IL6R: variants seen among roughly 807,000 people sequenced by gnomAD.
The protein encoded by IL6R is interleukin 6 receptor, also known as interleukin-6 receptor subunit alpha.
Under a neutral mutation model 48.3 loss-of-function variants are expected in IL6R, and 38 were observed. The observed-to-expected ratio is 0.79, with a 90% CI of 0.61 to 1.03. The LOEUF is 1.03. Ranked by LOEUF, IL6R falls within the 50% of genes least tolerant of loss-of-function variation. The probability of loss-of-function intolerance (pLI) is 0.00; values close to 1 mark genes in which losing one functional copy is unlikely to be tolerated. For missense variants in IL6R, 534 were observed against 618.3 expected, an observed-to-expected ratio of 0.86 and a Z score of 1.45; for synonymous variants, 264 against 256.2, an observed-to-expected ratio of 1.03 and a Z score of -0.29.
At chr1:154,419,217 G>T (rs1242125531) in intron 1 of IL6R, among the ~76,000 whole-genome samples, 1 of 152,148 alleles carries the variant, frequency 6.6e-6, no homozygotes, top group Non-Finnish European at 1.5e-5. Context: ...CTTTTTGTGA[G>T]TAGTGTGCTC....
intron 1 of IL6R, among the ~76,000 whole-genome samples, chr1:154,417,661 C>T (rs979214389): frequency 8.6e-5 from 13 of 151,696 alleles, no homozygotes; most frequent in African/African-American, 2.7e-4. Flanking sequence ...ACTCCATCTC[C>T]GGGGTTCAAG....
chr1:154,445,749 C>CAA (rs35455075), intron 6 of IL6R, among the ~76,000 whole-genome samples: 63,958 of 133,886 alleles, frequency 0.48, 15,020 homozygotes, highest in African/African-American at 0.59. Context: ...GACTCGGTCT[C>CAA]AAAAAAAAAA....
rs1482310513 is a variant in IL6R, at chr1:154,405,977, T to A, written c.85+263T>A. ...CTGTGCGGGAACCCTGCGGTCTGTG[T>A]ACAGGACTGTGTCCTTGCAAACCTG... is the stretch of plus-strand genomic sequence containing the variant. On this transcript the variant is annotated intron_variant, in intron 1 of 9. Coordinates refer to ENST00000368485, the MANE Select transcript of IL6R (RefSeq NM_000565.4). The surrounding 1 kb of genome is among the most constrained non-coding windows in gnomAD (Gnocchi z 5.2). Among the ~76,000 whole-genome samples, 1 of 152,160 alleles carries A rather than the reference T, an allele frequency of 6.6e-6. No homozygotes were observed. Among genetic ancestry groups the A allele is most frequent in the African/African-American group, 2.4e-5 (1 of 41,452 alleles).
chr1:154,447,438 CAAAAAAAAA>C lies in IL6R; in HGVS notation c.950-678_950-670del, dbSNP rs201893129. Among the ~76,000 whole-genome samples the C allele has an allele frequency of 6.7e-3, 257 of 38,262 alleles. 20 individuals carry two copies. Among genetic ancestry groups the C allele is most frequent in the Middle Eastern group, 0.054 (3 of 56 alleles). The allele number at this position is 38,262 out of a possible 152,430, so 25.1% of individuals were successfully genotyped here. On this transcript the variant is annotated intron_variant, in intron 6 of 9. Transcript: ENST00000368485. ...TGGGCAAAAGAGTGAAACTCCATCT[CAAAAAAAAA>C]AAAAAAAATATATATATATATATAT...
rs549223455 is a variant in IL6R at position 154,435,194 on chromosome 1, C to T, written c.807+38C>T. The T allele has an allele frequency of 8.0e-4, 1,277 of 1,597,970 alleles. 23 individuals carry two copies. In the South Asian group the frequency reaches 0.013, roughly 17 times the overall value. On this transcript the variant is annotated intron_variant, in intron 5 of 9. Transcript: ENST00000368485. Reference sequence around the variant, plus strand: ...TTTACTTCTGGTCAGAGAGGCGCCCCTAGATGCTTAGGCGTAGTAGAAAGG... The same window carrying T: ...TTTACTTCTGGTCAGAGAGGCGCCCTTAGATGCTTAGGCGTAGTAGAAAGG...
At chr1:154,423,288 TTCATTATAAGAGCA>T (rs1688792196) in intron 1 of IL6R, among the ~76,000 whole-genome samples, 3 of 138,606 alleles carry the variant, frequency 2.2e-5, no homozygotes, top group Non-Finnish European at 4.7e-5. Flanking sequence ...TATATATGTA[TTCATTATAAGAGCA>T]ATATAGGCAA....
At chr1:154,455,056 G>A (rs888706933) in intron 9 of IL6R, among the ~76,000 whole-genome samples, 2 of 152,166 alleles carry the variant, frequency 1.3e-5, no homozygotes, top group Non-Finnish European at 2.9e-5. Flanking sequence ...TGGGACTGCA[G>A]GTGCACACCA....
At chr1:154,455,588 G>A (rs1245318302) in intron 9 of IL6R, among the ~76,000 whole-genome samples, 8 of 151,040 alleles carry the variant, frequency 5.3e-5, no homozygotes, top group Non-Finnish European at 7.4e-5. Flanking sequence ...GAGTAGCTGG[G>A]ACCACAGGTG....
chr1:154,454,726 C>A, intron 9 of IL6R, 145 bp downstream of exon 9: 1 of 661,908 alleles, frequency 1.5e-6, no homozygotes, highest in South Asian at 1.7e-5. Context: ...ACACACAACA[C>A]CTACTATTAT....
chr1:154,448,176 G>A lies in IL6R; in HGVS notation c.996+5G>A, dbSNP rs775193619. ...GAGGTGTCCACCCCCATGCAGGTGA[G>A]CTCCTGTTCTTGTAAAAGGGTCAGG... On this transcript the variant is annotated splice_donor_5th_base_variant and intron_variant, in intron 7 of 9. Transcript: ENST00000368485. The A allele has an allele frequency of 5.0e-6, 8 of 1,612,444 alleles. No individual in the cohort carries two copies. The highest frequency in any genetic ancestry group is 6.8e-6 in the Non-Finnish European group (8 of 1,178,754).
At chr1:154,427,541 C>T (rs563408909) in intron 1 of IL6R, among the ~76,000 whole-genome samples, 21 of 152,308 alleles carry the variant, frequency 1.4e-4, no homozygotes, top group Non-Finnish European at 1.8e-4. Context: ...TTATATCTGT[C>T]CCTTTTCTGC....
intron 8 of IL6R, among the ~76,000 whole-genome samples, chr1:154,450,494 A>T (rs1427716801): frequency 6.6e-6 from 1 of 152,230 alleles, no homozygotes; most frequent in African/African-American, 2.4e-5. Context: ...AGGAGACCGT[A>T]AGAAAAGTGG....
At chr1:154,444,088 A>C (rs1204252186) in intron 6 of IL6R, among the ~76,000 whole-genome samples, 1 of 151,612 alleles carries the variant, frequency 6.6e-6, no homozygotes, top group Non-Finnish European at 1.5e-5. Context: ...CTCCTCCCTC[A>C]TCCTCGCATT....
At chr1:154,434,458 T>C in intron 3 of IL6R, 61 bp from the exon 4 acceptor site, 1 of 1,470,478 alleles carries the variant, frequency 6.8e-7, no homozygotes, top group Admixed American at 1.9e-5. Context: ...CCCCCTTCTG[T>C]CCCGTCTTGA....
intron 1 of IL6R, among the ~76,000 whole-genome samples, chr1:154,413,763 A>G (rs551107651): frequency 6.8e-6 from 1 of 146,192 alleles, no homozygotes; most frequent in South Asian, 2.1e-4. Flanking sequence ...AACATGTCAT[A>G]CATGACTTTT....
intron 6 of IL6R, among the ~76,000 whole-genome samples, chr1:154,446,507 C>A (rs961185861): frequency 2.0e-5 from 3 of 152,170 alleles, no homozygotes; most frequent in African/African-American, 7.2e-5. Context: ...TTTTAGAATT[C>A]TTGATGGAAA....
chr1:154,455,983 G>A (rs1034911337), intron 9 of IL6R, among the ~76,000 whole-genome samples: 2 of 151,762 alleles, frequency 1.3e-5, no homozygotes, highest in South Asian at 4.2e-4. Context: ...CTTGAACCTG[G>A]GAAGCGGAGG....
chr1:154,440,481 G>T (rs563767733), intron 6 of IL6R, among the ~76,000 whole-genome samples: 1 of 152,050 alleles, frequency 6.6e-6, no homozygotes, highest in East Asian at 1.9e-4. Context: ...ATGCCATGCC[G>T]TTTTCCACAG....
At chr1:154,418,312 C>T (rs1001891263) in intron 1 of IL6R, 3 of 510,140 alleles carry the variant, frequency 5.9e-6, no homozygotes, top group East Asian at 1.5e-4. Flanking sequence ...CACACGCGCA[C>T]GTGGGTCTCT....
Sources: allele counts gnomAD v4.1 joint callset (sites outside exome capture counted in the v4.1 genomes callset), GRCh38; gene constraint gnomAD v4.1.1; non-coding constraint Gnocchi (gnomAD v3.1); transcripts MANE v1.5; gene names NCBI Gene and HGNC (gene_info 2026-07-23, HGNC 2026-07-21).